Variants in AQR observed in about 807,000 individuals in gnomAD.
AQR encodes the protein aquarius intron-binding spliceosomal factor.
In AQR, 61 loss-of-function variants were observed where a neutral mutation model predicts 180.5. The ratio of observed to expected loss-of-function variants is 0.34; its 90% CI spans 0.28 to 0.42. AQR has a LOEUF of 0.42. Ranked by LOEUF, AQR falls within the 10% of genes least tolerant of loss-of-function variation. The pLI is 1.00. For missense variants in AQR, 1,281 were observed against 1,798.3 expected (o/e 0.71, Z 5.20); for synonymous variants, 551 against 588.8 (o/e 0.94, Z 0.93).
chr15:34,941,050 G>T, intron 7 of AQR, 51 bp from the exon 8 acceptor site: 2 of 1,293,248 alleles, frequency 1.5e-6, no homozygotes, highest in South Asian at 1.3e-5. Context: ...AGTTTACAAG[G>T]ATAAGGATTA....
chr15:34,962,637 C>T (rs960992706), intron 2 of AQR, among the ~76,000 whole-genome samples: 6 of 151,638 alleles, frequency 4.0e-5, no homozygotes, highest in African/African-American at 9.7e-5. Flanking sequence ...GGCGTGGTGG[C>T]GTGCATCTGT....
intron 15 of AQR, among the ~76,000 whole-genome samples, chr15:34,915,653 A>T (rs1893571004): frequency 6.6e-6 from 1 of 151,580 alleles, no homozygotes; most frequent in South Asian, 2.1e-4. Flanking sequence ...GCTATTAAGA[A>T]TTAGGGGTGA....
At chr15:34,949,986 A>G (rs1894195004) in intron 4 of AQR, among the ~76,000 whole-genome samples, 1 of 151,386 alleles carries the variant, frequency 6.6e-6, no homozygotes, top group Admixed American at 6.6e-5. Flanking sequence ...AAAAAAAAAA[A>G]AAATCTTCTG....
chr15:34,959,342 T>C (rs1894381502), intron 3 of AQR, among the ~76,000 whole-genome samples: 1 of 152,172 alleles, frequency 6.6e-6, no homozygotes, highest in African/African-American at 2.4e-5. Context: ...TTTTGTGTTT[T>C]TTCTGGACAC....
At chr15:34,959,431 G>A (rs1894382690) in intron 3 of AQR, among the ~76,000 whole-genome samples, 1 of 152,170 alleles carries the variant, frequency 6.6e-6, no homozygotes, top group Admixed American at 6.5e-5. Context: ...GCCTCCCAAG[G>A]TGCTGGGATT....
At chr15:34,889,617 A>T (rs945100556) in intron 24 of AQR, among the ~76,000 whole-genome samples, 2 of 152,244 alleles carry the variant, frequency 1.3e-5, no homozygotes, top group African/African-American at 4.8e-5. Flanking sequence ...ACTGGCAAGA[A>T]GCATCTGAAG....
intron 11 of AQR, 67 bp from the exon 12 acceptor site, chr15:34,930,438 A>T: frequency 5.6e-6 from 5 of 889,630 alleles, no homozygotes; most frequent in Non-Finnish European, 9.0e-6. Context: ...ATACTGTTTA[A>T]AATAATAAAC....
At chr15:34,893,499 G>A (rs1044741234) in intron 23 of AQR, among the ~76,000 whole-genome samples, 164 bp downstream of exon 23, 1 of 152,078 alleles carries the variant, frequency 6.6e-6, no homozygotes, top group African/African-American at 2.4e-5. Flanking sequence ...CAGAAAAATG[G>A]AGAACAAAGA....
chr15:34,934,512 T>TG, intron 10 of AQR, 59 bp downstream of exon 10: 4 of 1,240,014 alleles, frequency 3.2e-6, no homozygotes. Flanking sequence ...TATGGTCATA[T>TG]GCTTAATCTT....
At chr15:34,883,797 A>C (rs973019393) in intron 26 of AQR, among the ~76,000 whole-genome samples, 4 of 152,164 alleles carry the variant, frequency 2.6e-5, no homozygotes, top group Non-Finnish European at 5.9e-5. Flanking sequence ...GATGTGGCAA[A>C]AACTAGGAGA....
At position 34,860,147 on chromosome 15, in the gene AQR, C is replaced by G; in HGVS notation, c.4038G>C (p.Glu1346Asp). 6.7e-7 allele frequency: 1 copy of G among 1,482,864 alleles called. No homozygotes were observed. The allele number at this position is 1,482,864 out of a possible 1,614,324, so 91.9% of individuals were successfully genotyped here. Reference sequence around the variant, plus strand: ...TTATTTGTACTTCATGAGATGGTCTCTCTCCATTCTAGAAGAAGGAAAAAA... The same window carrying G: ...TTATTTGTACTTCATGAGATGGTCTGTCTCCATTCTAGAAGAAGGAAAAAA... ...EPFPTTRKNG[E>D]RPSHEVQIIK... is the part of the protein sequence containing the mutation. The change falls in exon 34 of 35, where the codon GAG (glutamate) becomes GAC (aspartate). Residue 1346 changes from glutamate (E) to aspartate (D), a missense_variant. Physicochemically the swap from Glu to Asp is conservative, Grantham distance 45. Around this residue, in one of 9 missense-constraint regions of AQR, gnomAD observed 182 missense variants for 185.3 expected, o/e 0.98. Coordinates refer to ENST00000156471, the MANE Select transcript of AQR (RefSeq NM_014691.3).
chr15:34,963,257 G>A (rs772196137), intron 2 of AQR, among the ~76,000 whole-genome samples: 55 of 152,170 alleles, frequency 3.6e-4, no homozygotes, highest in Non-Finnish European at 7.2e-4. Context: ...AGGATTATAC[G>A]CATGAGCCAC....
chr15:34,853,761 A>G lies in AQR; in HGVS notation c.*3031T>C, dbSNP rs1892547527. On this transcript the variant is annotated 3_prime_UTR_variant, in exon 35 of 35. Coordinates refer to ENST00000156471, the MANE Select transcript of AQR (RefSeq NM_014691.3). ...ATTATTTTCATAAACATTACCCTAT[A>G]AAACAGACAACTCTCCTGTCCCAAA... 1 of 152,228 alleles carries G rather than the reference A, an allele frequency of 6.6e-6. No individual in the cohort carries two copies. Among genetic ancestry groups the G allele is most frequent in the Non-Finnish European group, 1.5e-5 (1 of 68,044 alleles). 9.4% of individuals were successfully genotyped at this position (152,228 alleles called of 1,614,324 possible).
At chr15:34,896,822 A>G (rs1200700433) in intron 22 of AQR, 75 bp downstream of exon 22, 1 of 1,347,100 alleles carries the variant, frequency 7.4e-7, no homozygotes, top group Admixed American at 1.7e-5. Context: ...GCACTCCGGC[A>G]TGGGCAACAA....
intron 18 of AQR, 33 bp downstream of exon 18, chr15:34,906,512 C>T (rs1168850910): frequency 2.6e-5 from 42 of 1,610,980 alleles, no homozygotes; most frequent in East Asian, 4.5e-5. Context: ...TCATTCTATA[C>T]ACATACTCTT....
chr15:34,937,485 T>G (rs907412646), intron 9 of AQR, among the ~76,000 whole-genome samples: 1 of 152,198 alleles, frequency 6.6e-6, no homozygotes, highest in Non-Finnish European at 1.5e-5. Flanking sequence ...TTCCATTGTG[T>G]TTTTTTAAAA....
At chr15:34,872,040 CT>C (rs1312663445) in intron 30 of AQR, among the ~76,000 whole-genome samples, 1 of 150,864 alleles carries the variant, frequency 6.6e-6, no homozygotes, top group Non-Finnish European at 1.5e-5. Context: ...CATTTATATT[CT>C]GGTTCTTTGT....
chr15:34,925,787 C>G, intron 13 of AQR, among the ~76,000 whole-genome samples: 1 of 150,784 alleles, frequency 6.6e-6, no homozygotes, highest in East Asian at 2.0e-4. Context: ...GAGCCGAGAT[C>G]GCACCACTGC....
rs943306479 is a variant in AQR, at chr15:34,896,804, G to A, written c.2460+93C>T. The A allele has an allele frequency of 3.0e-5, 32 of 1,063,434 alleles. 1 individual carries two copies. Among genetic ancestry groups the A allele is most frequent in the South Asian group, 1.1e-4 (8 of 76,012 alleles). The allele number at this position is 1,063,434 out of a possible 1,614,324, so 65.9% of individuals were successfully genotyped here. A position where few individuals can be genotyped will look rare whatever the true frequency, so the allele number is the denominator to read the frequency against. On this transcript the variant is annotated intron_variant, in intron 22 of 34. Transcript: ENST00000156471. The stretch of plus-strand genomic sequence containing the variant: ...GCAGAGGCTGCAGTGAGCTGAGATC[G>A]CGCCACTGCACTCCGGCATGGGCAA...
Sources: allele counts gnomAD v4.1 joint callset (sites outside exome capture counted in the v4.1 genomes callset), GRCh38; gene constraint gnomAD v4.1.1; regional missense constraint gnomAD v4.1.1; transcripts MANE v1.5; gene names NCBI Gene and HGNC (gene_info 2026-07-23, HGNC 2026-07-21).